Variants in ELMO1 observed in about 807,000 individuals in gnomAD.
The protein encoded by ELMO1 is engulfment and cell motility 1, also known as engulfment and cell motility protein 1.
Under a neutral mutation model 98.9 loss-of-function variants are expected in ELMO1, and 26 were observed. The ratio of observed to expected loss-of-function variants is 0.26; its 90% CI spans 0.19 to 0.36. The LOEUF (loss-of-function observed/expected upper bound fraction) is 0.36. ELMO1 is among the 10% of genes least tolerant of loss of function. ELMO1 has a pLI of 1.00. For missense variants in ELMO1, 627 were observed against 935.2 expected, an observed-to-expected ratio of 0.67 and a Z score of 4.30; for synonymous variants, 346 against 346.0, an observed-to-expected ratio of 1.00 and a Z score of 0.00.
At chr7:37,410,297 C>T (rs962082409) in intron 1 of ELMO1, among the ~76,000 whole-genome samples, 4 of 152,214 alleles carry the variant, frequency 2.6e-5, no homozygotes, top group Non-Finnish European at 5.9e-5. Context: ...CTCTCCTCTA[C>T]TAAAGTATAA....
intron 18 of ELMO1, among the ~76,000 whole-genome samples, chr7:36,882,143 G>C (rs1558689): frequency 1.1e-4 from 16 of 152,134 alleles, no homozygotes; most frequent in African/African-American, 3.9e-4. Context: ...TGCAGAGCCC[G>C]CTGTCAGCAG....
intron 1 of ELMO1, among the ~76,000 whole-genome samples, chr7:37,384,342 T>G (rs1463703013): frequency 1.3e-5 from 2 of 152,166 alleles, no homozygotes. Flanking sequence ...CAATAAAAAG[T>G]GCAAACCATT....
intron 5 of ELMO1, among the ~76,000 whole-genome samples, chr7:37,269,233 A>G (rs1796428666): frequency 6.6e-6 from 1 of 152,246 alleles, no homozygotes; most frequent in South Asian, 2.1e-4. Flanking sequence ...TCTCAATTCT[A>G]GACCCTGTGG....
chr7:37,216,846 C>G (rs1793313142), intron 10 of ELMO1, 151 bp from the exon 11 acceptor site: 2 of 734,184 alleles, frequency 2.7e-6, no homozygotes, highest in Non-Finnish European at 4.5e-6. Flanking sequence ...CAGTAGTATT[C>G]AAATTATTTT....
At chr7:36,972,643 G>C (rs1790067833) in intron 16 of ELMO1, among the ~76,000 whole-genome samples, 1 of 152,006 alleles carries the variant, frequency 6.6e-6, no homozygotes, top group Non-Finnish European at 1.5e-5. Context: ...CTTTTTATAA[G>C]GACACTAGTC....
At chr7:37,164,947 A>C (rs1416376670) in intron 13 of ELMO1, among the ~76,000 whole-genome samples, 1 of 151,812 alleles carries the variant, frequency 6.6e-6, no homozygotes, top group African/African-American at 2.4e-5. Context: ...CATTTTCACA[A>C]TATTGATTCT....
At chr7:37,202,881 C>G (rs573463835) in intron 13 of ELMO1, among the ~76,000 whole-genome samples, 1 of 152,258 alleles carries the variant, frequency 6.6e-6, no homozygotes, top group South Asian at 2.1e-4. Flanking sequence ...CTGTTGATGT[C>G]TCAGTGTTTT....
intron 1 of ELMO1, among the ~76,000 whole-genome samples, chr7:37,439,472 T>A (rs1338456917): frequency 6.6e-6 from 1 of 152,222 alleles, no homozygotes; most frequent in Non-Finnish European, 1.5e-5. Context: ...CTAAACAGAT[T>A]TGCCTGTTAC....
chr7:37,009,585 A>G (rs1164250222), intron 16 of ELMO1, among the ~76,000 whole-genome samples: 1 of 152,178 alleles, frequency 6.6e-6, no homozygotes, highest in African/African-American at 2.4e-5. Context: ...AGAATCCAGC[A>G]TAGTTTGTTG....
chr7:37,164,691 A>G (rs1302399795), intron 13 of ELMO1, among the ~76,000 whole-genome samples: 8 of 148,006 alleles, frequency 5.4e-5, no homozygotes, highest in African/African-American at 2.0e-4. Context: ...TGTTCCATTG[A>G]TCTATATCTC....
At chr7:37,285,471 A>G (rs2130923128) in intron 4 of ELMO1, among the ~76,000 whole-genome samples, 1 of 152,360 alleles carries the variant, frequency 6.6e-6, no homozygotes, top group Middle Eastern at 3.4e-3. Context: ...GGCAGGCCAA[A>G]GATACACCAT....
intron 13 of ELMO1, among the ~76,000 whole-genome samples, chr7:37,166,944 A>C (rs1249687827): frequency 6.6e-6 from 1 of 151,976 alleles, no homozygotes. Context: ...GGGGTGTTAA[A>C]GTCTCCCATT....
At chr7:37,005,936 G>T (rs1310886769) in intron 16 of ELMO1, among the ~76,000 whole-genome samples, 1 of 152,128 alleles carries the variant, frequency 6.6e-6, no homozygotes, top group African/African-American at 2.4e-5. Context: ...TGTCATCAGG[G>T]CGCACAGCCA....
intron 15 of ELMO1, among the ~76,000 whole-genome samples, chr7:37,036,237 G>C (rs960492757): frequency 6.6e-6 from 1 of 151,956 alleles, no homozygotes; most frequent in African/African-American, 2.4e-5. Context: ...TGCATAAGTG[G>C]ACCCATGCAA....
intron 13 of ELMO1, among the ~76,000 whole-genome samples, chr7:37,181,530 G>C (rs1468931397): frequency 6.6e-6 from 1 of 152,100 alleles, no homozygotes; most frequent in Non-Finnish European, 1.5e-5. Flanking sequence ...ACAGAAACAA[G>C]AGGCCAATTT....
chr7:37,004,079 C>A (rs1792877561), intron 16 of ELMO1, among the ~76,000 whole-genome samples: 2 of 151,926 alleles, frequency 1.3e-5, no homozygotes, highest in South Asian at 4.1e-4. Context: ...TTTTTTAAAT[C>A]AATGAGGCCT....
At chr7:37,317,232 A>G (rs893750997) in intron 2 of ELMO1, among the ~76,000 whole-genome samples, 2 of 152,108 alleles carry the variant, frequency 1.3e-5, no homozygotes, top group Non-Finnish European at 2.9e-5. Context: ...GGGCCTCCCT[A>G]ACCCCTGCTA....
chr7:36,886,115 G>A (rs980183978), intron 18 of ELMO1, among the ~76,000 whole-genome samples: 5 of 152,190 alleles, frequency 3.3e-5, no homozygotes, highest in Admixed American at 3.3e-4. Context: ...CAAGGAACGC[G>A]ATGAGAGGAG....
chr7:36,982,805 T>G (rs1791180053), intron 16 of ELMO1, among the ~76,000 whole-genome samples: 1 of 152,250 alleles, frequency 6.6e-6, no homozygotes, highest in Non-Finnish European at 1.5e-5. Flanking sequence ...ATCTTCATTG[T>G]GAATCCATTT....
Sources: gnomAD v4.1 joint callset for allele counts (sites outside exome capture counted in the v4.1 genomes callset) on GRCh38, gnomAD v4.1.1 for gene constraint, MANE v1.5 for transcripts, NCBI Gene and HGNC (gene_info 2026-07-23, HGNC 2026-07-21) for gene names.